BTBD8: variants seen among roughly 807,000 people sequenced by gnomAD.
BTBD8 encodes the protein BTB domain containing 8.
In BTBD8, 110 loss-of-function variants were observed where a neutral mutation model predicts 162.9. That is an observed-to-expected ratio of 0.68 (90% CI 0.58 to 0.79). The LOEUF (loss-of-function observed/expected upper bound fraction) is 0.79, where lower values mean the gene tolerates loss of function less well. Ranked by LOEUF, BTBD8 falls within the 30% of genes least tolerant of loss-of-function variation. The pLI, the probability that BTBD8 is intolerant of heterozygous loss-of-function variation, is 0.00. For synonymous variants in BTBD8, 667 were observed against 716.1 expected (o/e 0.93, Z 1.10); for missense variants, 1,905 against 2,085.4 (o/e 0.91, Z 1.68).
chr1:92,147,862 G>A (rs2100638918), intron 9 of BTBD8, 76 bp downstream of exon 9: 1 of 1,227,550 alleles, frequency 8.1e-7, no homozygotes, highest in Non-Finnish European at 1.2e-6. Context: ...ACTTTCAGTG[G>A]TTGAAATATA....
intron 17 of BTBD8, among the ~76,000 whole-genome samples, chr1:92,183,634 A>G (rs1650984841): frequency 6.6e-6 from 1 of 151,922 alleles, no homozygotes; most frequent in African/African-American, 2.4e-5. Flanking sequence ...TAAAGTATGG[A>G]GAATTATTGT....
In BTBD8 at chr1:92,182,418, T is replaced by A; in HGVS notation, c.4735T>A (p.Ser1579Thr). Residue 1579 changes from serine (S) to threonine (T), a missense_variant, in exon 17 of 18, where the codon TCT (serine) becomes ACT (threonine). Ser to Thr is a moderately conservative substitution (Grantham distance 58). Transcript: ENST00000636805. ...RSKFLDSDVK[S>T]QERPCHLDLH... ...CAAATTCTTGGATAGTGATGTAAAA[T>A]CTCAAGAAAGACCATGTCACTTGGA... The A allele has an allele frequency of 6.4e-7, 1 of 1,550,792 alleles. No homozygotes were observed. The highest frequency in any genetic ancestry group is 8.7e-7 in the Non-Finnish European group (1 of 1,146,712).
At chr1:92,174,625 T>TG (rs1570758151) in intron 13 of BTBD8, among the ~76,000 whole-genome samples, 1 of 85,978 alleles carries the variant, frequency 1.2e-5, no homozygotes. Context: ...AATAGAGAAA[T>TG]GTTTTTTTTT....
At position 92,150,990 on chromosome 1, in the gene BTBD8, T is replaced by C. The variant is rs1300775565; in HGVS notation, c.1122+3204T>C. On this transcript the variant is annotated intron_variant, in intron 9 of 17. Coordinates refer to ENST00000636805, the MANE Select transcript of BTBD8 (RefSeq NM_001376131.1). ...AAGGATAACATCAGACTGGGTTACA[T>C]AGAAGATATGTCAAAATCTAACTGA... The C allele has an allele frequency of 3.3e-5, 5 of 152,192 alleles. No homozygotes were observed. The East Asian group carries it at 7.7e-4, about 23-fold the overall frequency. The allele number at this position is 152,192 out of a possible 1,614,324, so 9.4% of individuals were successfully genotyped here. A position where few individuals can be genotyped will look rare whatever the true frequency, so the allele number is the denominator to read the frequency against.
intron 4 of BTBD8, among the ~76,000 whole-genome samples, chr1:92,117,354 GT>G (rs869030103): frequency 1.9e-4 from 5 of 26,490 alleles, no homozygotes; most frequent in Admixed American, 4.5e-4. Context: ...ATTATTAAAG[GT>G]TTTTTTTTTA....
At position 92,182,304 on chromosome 1, in the gene BTBD8, G is replaced by A. The variant is rs566576; in HGVS notation, c.4621G>A (p.Val1541Ile). 0.033 allele frequency: 51,544 copies of A among 1,551,074 alleles called. 1,002 individuals are homozygous for A. Among genetic ancestry groups the A allele is most frequent in the Non-Finnish European group, 0.036 (41,466 of 1,146,760 alleles). ...SATEKKNTID[V>I]LSSRSRQLLR... ...CACAGAAAAAAAGAACACAATAGAC[G>A]TCCTATCCAGTAGAAGCAGACAGCT... Residue 1541 changes from valine to isoleucine, a missense_variant, in exon 17 of 18, where the codon GTC becomes ATC. This residue lies in a region of BTBD8 where 517 missense variants were observed against 606.6 expected (regional missense o/e 0.85). Coordinates refer to ENST00000636805, the MANE Select transcript of BTBD8 (RefSeq NM_001376131.1).
chr1:92,181,242 G>A lies in BTBD8; in HGVS notation c.3559G>A (p.Glu1187Lys), dbSNP rs771373246. Residue 1187 changes from glutamate to lysine, a missense_variant, in exon 17 of 18, where the codon GAA becomes AAA. Physicochemically the swap from Glu to Lys is moderately conservative, Grantham distance 56. This residue lies in a region of BTBD8 where 1,374 missense variants were observed against 1,442.7 expected (regional missense o/e 0.95). Coordinates refer to ENST00000636805, the MANE Select transcript of BTBD8 (RefSeq NM_001376131.1). ...SKLSDESAMDEDKHATADSDV... is the reference protein window; with the variant it reads ...SKLSDESAMDKDKHATADSDV... ...GTTGTCAGATGAATCTGCTATGGAT[G>A]AAGACAAACATGCTACAGCAGACTC... 4 of 1,551,616 alleles carry A rather than the reference G, an allele frequency of 2.6e-6. No individual in the cohort carries two copies. The highest frequency in any genetic ancestry group is 2.0e-5 in the Admixed American group (1 of 50,976).
chr1:92,100,511 T>G (rs1648562665), intron 2 of BTBD8, among the ~76,000 whole-genome samples: 1 of 152,216 alleles, frequency 6.6e-6, no homozygotes, highest in African/African-American at 2.4e-5. Flanking sequence ...ATAGGTGTAC[T>G]CAGATACTCT....
intron 1 of BTBD8, among the ~76,000 whole-genome samples, chr1:92,087,682 A>G (rs1370500087): frequency 1.3e-5 from 2 of 152,188 alleles, no homozygotes; most frequent in Non-Finnish European, 2.9e-5. Context: ...TATGTACTGA[A>G]TGTGATGGGA....
rs542471885 is a variant in BTBD8 at position 92,181,876 on chromosome 1, A to C, written c.4193A>C (p.Asn1398Thr). The change falls in exon 17 of 18, where the codon AAT (asparagine) becomes ACT (threonine). Residue 1398 changes from asparagine to threonine, a missense_variant. Physicochemically the swap from Asn to Thr is moderately conservative, Grantham distance 65. This residue lies in a region of BTBD8 where 517 missense variants were observed against 606.6 expected (regional missense o/e 0.85). Coordinates refer to ENST00000636805, the MANE Select transcript of BTBD8 (RefSeq NM_001376131.1). ...ERSEAENVAE[N>T]FSISNPAPQQ... Reference sequence around the variant, plus strand: ...TCTGAAGCTGAAAACGTTGCAGAAAATTTCTCTATATCTAACCCAGCTCCT... The same window carrying C: ...TCTGAAGCTGAAAACGTTGCAGAAACTTTCTCTATATCTAACCCAGCTCCT... 13 of 1,551,002 alleles carry C rather than the reference A, an allele frequency of 8.4e-6. No homozygotes were observed. The Admixed American group carries it at 9.8e-5, about 12-fold the overall frequency.
At chr1:92,166,671 C>T (rs1192242515) in intron 9 of BTBD8, among the ~76,000 whole-genome samples, 2 of 151,924 alleles carry the variant, frequency 1.3e-5, no homozygotes, top group African/African-American at 2.4e-5. Context: ...GTGATCCACC[C>T]GCCTCAGCCT....
intron 16 of BTBD8, among the ~76,000 whole-genome samples, chr1:92,178,822 A>G (rs1650799324): frequency 1.3e-5 from 2 of 152,288 alleles, no homozygotes; most frequent in Admixed American, 1.3e-4. Flanking sequence ...TGTGAGAGAA[A>G]TAATTAAGGG....
chr1:92,127,190 C>T (rs932916001), intron 4 of BTBD8, among the ~76,000 whole-genome samples: 8 of 152,094 alleles, frequency 5.3e-5, no homozygotes, highest in Admixed American at 1.3e-4. Flanking sequence ...TCATAGACTG[C>T]GAATATTGGT....
At chr1:92,126,902 C>G (rs1362999427) in intron 4 of BTBD8, among the ~76,000 whole-genome samples, 1 of 151,944 alleles carries the variant, frequency 6.6e-6, no homozygotes, top group African/African-American at 2.4e-5. Flanking sequence ...TCTCATTAAG[C>G]TTTAAGGATT....
At chr1:92,133,128 C>T (rs956570646) in intron 5 of BTBD8, among the ~76,000 whole-genome samples, 3 of 152,068 alleles carry the variant, frequency 2.0e-5, no homozygotes, top group Non-Finnish European at 2.9e-5. Flanking sequence ...AAACAAATTC[C>T]AGTTTCCCAT....
intron 9 of BTBD8, among the ~76,000 whole-genome samples, chr1:92,158,599 A>G (rs759659762): frequency 1.3e-5 from 2 of 152,146 alleles, no homozygotes; most frequent in Admixed American, 6.5e-5. Context: ...TAATGCATTT[A>G]TCTTTTAGCT....
Position 92,114,011 on chromosome 1 carries a change from C to CA in BTBD8, c.662+6029dup, listed in dbSNP as rs35277981. Among the ~76,000 whole-genome samples the CA allele has an allele frequency of 5.1e-3, 488 of 94,876 alleles. 4 individuals are homozygous for CA. The highest frequency in any genetic ancestry group is 0.016 in the African/African-American group (391 of 24,990). The allele number at this position is 94,876 out of a possible 152,430, so 62.2% of individuals were successfully genotyped here. On this transcript the variant is annotated intron_variant, in intron 4 of 17. Coordinates refer to ENST00000636805, the MANE Select transcript of BTBD8 (RefSeq NM_001376131.1). Reference sequence around the variant, plus strand: ...TGGACGACAGAGTGAGACTCCGTCTCAAAAAAAAAAAAAAAAAAAGATTAG... The same window carrying CA: ...TGGACGACAGAGTGAGACTCCGTCTCAAAAAAAAAAAAAAAAAAAAGATTAG...
chr1:92,128,437 C>G (rs901403287), intron 4 of BTBD8, among the ~76,000 whole-genome samples: 3 of 152,152 alleles, frequency 2.0e-5, no homozygotes, highest in Admixed American at 6.5e-5. Context: ...TGTCACCACG[C>G]CCGGCTAATT....
chr1:92,083,983 A>G (rs1352970712), intron 1 of BTBD8, among the ~76,000 whole-genome samples: 1 of 152,230 alleles, frequency 6.6e-6, no homozygotes, highest in African/African-American at 2.4e-5. Flanking sequence ...AGCTATATCC[A>G]GGAAACAACT....
Sources: allele counts gnomAD v4.1 joint callset (sites outside exome capture counted in the v4.1 genomes callset), GRCh38; gene constraint gnomAD v4.1.1; regional missense constraint gnomAD v4.1.1; transcripts MANE v1.5; gene names NCBI Gene and HGNC (gene_info 2026-07-23, HGNC 2026-07-21).